Variants in KCTD1 observed in about 807,000 individuals in gnomAD.
KCTD1 encodes potassium channel tetramerization domain containing 1, also known as BTB/POZ domain-containing protein KCTD1.
Under a neutral mutation model 66.0 loss-of-function variants are expected in KCTD1, and 24 were observed. That is an observed-to-expected ratio of 0.36 (90% CI 0.26 to 0.51). KCTD1 has a LOEUF of 0.51. Among genes scored for constraint, KCTD1 ranks in the 20% least tolerant of loss-of-function variants. The probability of loss-of-function intolerance (pLI) is 0.95; values close to 1 mark genes in which losing one functional copy is unlikely to be tolerated. For synonymous variants in KCTD1, 511 were observed against 517.2 expected (o/e 0.99, Z 0.16); for missense variants, 943 against 1,205.2 (o/e 0.78, Z 3.22).
chr18:26,506,326 G>C (rs1207814810), intron 1 of KCTD1, among the ~76,000 whole-genome samples: 1 of 152,166 alleles, frequency 6.6e-6, no homozygotes, highest in Non-Finnish European at 1.5e-5. Flanking sequence ...CTACAATCAG[G>C]ACAGAGGAAG....
intron 1 of KCTD1, among the ~76,000 whole-genome samples, chr18:26,535,650 T>C (rs1269423309): frequency 6.6e-6 from 1 of 152,164 alleles, no homozygotes; most frequent in Non-Finnish European, 1.5e-5. Flanking sequence ...AAAAGACACA[T>C]CCATCAATAT....
intron 3 of KCTD1, among the ~76,000 whole-genome samples, chr18:26,463,224 G>A (rs1980533630): frequency 6.6e-6 from 1 of 152,180 alleles, no homozygotes; most frequent in Admixed American, 6.5e-5. Flanking sequence ...GGAAGGTGGA[G>A]GCAGGAGGAT....
intron 1 of KCTD1, among the ~76,000 whole-genome samples, chr18:26,513,701 C>T (rs1983476429): frequency 6.6e-6 from 1 of 152,182 alleles, no homozygotes; most frequent in Non-Finnish European, 1.5e-5. Flanking sequence ...ATGCTCTTTC[C>T]AGTTCTGAAT....
chr18:26,633,434 G>C (rs536029185), upstream of KCTD1, among the ~76,000 whole-genome samples: 3 of 151,954 alleles, frequency 2.0e-5, no homozygotes, highest in Admixed American at 1.3e-4. Context: ...AAACACAAGA[G>C]GCCATAAAAG....
At chr18:26,558,659 C>T (rs963849316) in intron 1 of KCTD1, among the ~76,000 whole-genome samples, 1 of 152,280 alleles carries the variant, frequency 6.6e-6, no homozygotes, top group African/African-American at 2.4e-5. Context: ...TGCAGTGGCT[C>T]AAGCCTGTAA....
intron 1 of KCTD1, among the ~76,000 whole-genome samples, chr18:26,578,431 C>T (rs997562595): frequency 1.2e-4 from 18 of 152,090 alleles, no homozygotes; most frequent in Non-Finnish European, 2.2e-4. Context: ...AGTATTTGCT[C>T]CTATTTATAT....
chr18:26,495,227 C>T (rs1456371900), intron 2 of KCTD1, among the ~76,000 whole-genome samples: 1 of 152,104 alleles, frequency 6.6e-6, no homozygotes. Flanking sequence ...AAAGTGATAG[C>T]ACAGAATCCC....
At chr18:26,574,008 C>A (rs770706260) in intron 1 of KCTD1, among the ~76,000 whole-genome samples, 65 of 152,120 alleles carry the variant, frequency 4.3e-4, no homozygotes, top group Non-Finnish European at 8.1e-4. Flanking sequence ...TTCCATCAAA[C>A]CCCTTCTTGA....
intron 3 of KCTD1, among the ~76,000 whole-genome samples, chr18:26,472,250 G>A (rs1299374508): frequency 6.6e-6 from 1 of 152,046 alleles, no homozygotes; most frequent in African/African-American, 2.4e-5. Flanking sequence ...CTAAACATGA[G>A]GTGATTTTCA....
At chr18:26,651,694 G>T (rs1200623607) in intron 1 of KCTD1, among the ~76,000 whole-genome samples, 2 of 149,770 alleles carry the variant, frequency 1.3e-5, no homozygotes, top group Non-Finnish European at 3.0e-5. Flanking sequence ...TGAGACAGGA[G>T]AATCGCTTGA....
chr18:26,630,764 T>C (rs1335405294), upstream of KCTD1, among the ~76,000 whole-genome samples: 1 of 152,204 alleles, frequency 6.6e-6, no homozygotes, highest in Non-Finnish European at 1.5e-5. Context: ...CACTAGCCAC[T>C]TTTTCATGGA....
chr18:26,529,366 T>G (rs1984327347), intron 1 of KCTD1, among the ~76,000 whole-genome samples: 1 of 152,212 alleles, frequency 6.6e-6, no homozygotes, highest in African/African-American at 2.4e-5. Context: ...CTCTTCAGCT[T>G]TCTCTCCCGC....
chr18:26,535,143 A>G (rs1984638083), intron 1 of KCTD1, among the ~76,000 whole-genome samples: 2 of 151,710 alleles, frequency 1.3e-5, no homozygotes, highest in Non-Finnish European at 1.5e-5. Flanking sequence ...CTGTGCCAAG[A>G]GGTAAACCCT....
chr18:26,594,637 CTAACTTTATGTCA>C (rs376812692), intron 1 of KCTD1, among the ~76,000 whole-genome samples: 334 of 152,256 alleles, frequency 2.2e-3, no homozygotes, highest in Middle Eastern at 3.4e-3. Flanking sequence ...CTGGTGATGG[CTAACTTTATGTCA>C]ACTCAGCTAG....
chr18:26,598,361 A>C (rs1404728327), intron 1 of KCTD1, among the ~76,000 whole-genome samples: 3 of 152,168 alleles, frequency 2.0e-5, no homozygotes, highest in Non-Finnish European at 4.4e-5. Flanking sequence ...GCTGATGGAC[A>C]CTGAGATTGT....
chr18:26,631,795 T>A (rs1159991933), upstream of KCTD1, among the ~76,000 whole-genome samples: 1 of 152,152 alleles, frequency 6.6e-6, no homozygotes, highest in African/African-American at 2.4e-5. Flanking sequence ...ACACCTGTAA[T>A]CCCAACACTC....
At chr18:26,593,611 G>T (rs1396739379) in intron 1 of KCTD1, among the ~76,000 whole-genome samples, 1 of 143,676 alleles carries the variant, frequency 7.0e-6, no homozygotes, top group Admixed American at 6.9e-5. Context: ...GGAGAAGGAA[G>T]ACAAGGAGGA....
At chr18:26,574,030 ACGTGTTGGCCATACTTTGTGCCCCAGGT>A in intron 1 of KCTD1, among the ~76,000 whole-genome samples, 1 of 152,222 alleles carries the variant, frequency 6.6e-6, no homozygotes, top group Middle Eastern at 3.4e-3. Flanking sequence ...AGCCACTGAC[ACGTGTTGGCCATACTTTGTGCCCCAGGT>A]CCAGGGACCC....
chr18:26,647,897 T>A (rs1321362456), intron 1 of KCTD1, among the ~76,000 whole-genome samples: 1 of 152,096 alleles, frequency 6.6e-6, no homozygotes, highest in Non-Finnish European at 1.5e-5. Context: ...TGGAGTGCAG[T>A]GGCATAATCT....
Sources: allele counts gnomAD v4.1 joint callset (sites outside exome capture counted in the v4.1 genomes callset), GRCh38; gene constraint gnomAD v4.1.1; transcripts MANE v1.5; gene names NCBI Gene and HGNC (gene_info 2026-07-23, HGNC 2026-07-21).